The following MYO5A variants were observed in gnomAD, a reference collection of about 807,000 sequenced individuals.
The protein encoded by MYO5A is unconventional myosin-Va.
In MYO5A, 98 loss-of-function variants were observed where a neutral mutation model predicts 249.7. The observed-to-expected ratio is 0.39, with a 90% CI of 0.33 to 0.46. The LOEUF (loss-of-function observed/expected upper bound fraction) is 0.46. Among genes scored for constraint, MYO5A ranks in the 20% least tolerant of loss-of-function variants. The pLI is 0.98. For missense variants in MYO5A, 1,696 were observed against 2,308.8 expected (o/e 0.73, Z 5.44); for synonymous variants, 778 against 810.6 (o/e 0.96, Z 0.68).
chr15:52,353,970 A>G lies in MYO5A; in HGVS notation c.3468T>C (p.Leu1156=), dbSNP rs771789209. ...KKVPLDMSLF[L]KLQKRVTELE... ...GCTCTGTGACCCGCTTCTGGAGCTT[A>G]AGGAACAATGACATGTCCAGAGGTA... Residue 1156 remains leucine, a synonymous_variant, in exon 26 of 42, where the codon CTT becomes CTC. Coordinates refer to ENST00000399233, the MANE Select transcript of MYO5A (RefSeq NM_001382347.1). The G allele has an allele frequency of 1.2e-6, 2 of 1,614,230 alleles. No individual in the cohort carries two copies. Among genetic ancestry groups the G allele is most frequent in the Non-Finnish European group, 1.7e-6 (2 of 1,180,040 alleles).
At chr15:52,362,373 T>C (rs887793221) in intron 24 of MYO5A, among the ~76,000 whole-genome samples, 4 of 152,266 alleles carry the variant, frequency 2.6e-5, no homozygotes, top group African/African-American at 9.6e-5. Context: ...AGTACTCATC[T>C]GTTAGCTGTT....
intron 22 of MYO5A, among the ~76,000 whole-genome samples, chr15:52,369,063 A>G (rs112751301): frequency 2.2e-4 from 33 of 152,296 alleles, no homozygotes; most frequent in African/African-American, 7.5e-4. Context: ...ATAAAACAGA[A>G]AAGAATCTCA....
In MYO5A at chr15:52,370,301, C is replaced by T. The variant is rs370255793; in HGVS notation, c.2934G>A (p.Ala978=). Residue 978 remains alanine, a synonymous_variant, in exon 22 of 42, where the codon GCG becomes GCA. Transcript: ENST00000399233. ...LERLQLSEEE[A]KVATGRVLSL... Reference sequence around the variant, plus strand: ...TAAGGACCCGCCCAGTGGCAACTTTCGCTTCCTCTTCACTTAGTTGAAGAC... The same window carrying T: ...TAAGGACCCGCCCAGTGGCAACTTTTGCTTCCTCTTCACTTAGTTGAAGAC... The T allele has an allele frequency of 1.5e-5, 24 of 1,614,036 alleles. No homozygotes were observed. Among genetic ancestry groups the T allele is most frequent in the African/African-American group, 1.3e-4 (10 of 74,934 alleles).
At chr15:52,315,439 A>G (rs574436572) in intron 40 of MYO5A, among the ~76,000 whole-genome samples, 2 of 152,200 alleles carry the variant, frequency 1.3e-5, no homozygotes, top group South Asian at 2.1e-4. Flanking sequence ...CAGTGGCACA[A>G]TCTTGGCTCA....
intron 1 of MYO5A, among the ~76,000 whole-genome samples, chr15:52,461,608 A>T (rs1168278665): frequency 5.3e-5 from 8 of 152,156 alleles, no homozygotes; most frequent in Non-Finnish European, 1.2e-4. Context: ...TTTAAATCTT[A>T]TATGCTATCT....
chr15:52,372,413 A>G (rs370217753), intron 20 of MYO5A, 50 bp from the exon 21 acceptor site: 1 of 1,595,018 alleles, frequency 6.3e-7, no homozygotes, highest in African/African-American at 1.3e-5. Flanking sequence ...GACTACACTC[A>G]TGATTATCAA....
At chr15:52,378,515 C>CAAAAAAAAAAA (rs55803737) in intron 18 of MYO5A, among the ~76,000 whole-genome samples, 906 of 10,334 alleles carry the variant, frequency 0.088, 97 homozygotes, top group African/African-American at 0.13. Context: ...AAGACTGTCT[C>CAAAAAAAAAAA]AAAAAAAAAA....
intron 1 of MYO5A, among the ~76,000 whole-genome samples, chr15:52,438,259 T>G (rs1033333836): frequency 6.6e-6 from 1 of 152,050 alleles, no homozygotes; most frequent in South Asian, 2.1e-4. Context: ...TCCAGTCACA[T>G]CCGGTGAGAA....
At chr15:52,373,127 T>G (rs1264944516) in intron 20 of MYO5A, among the ~76,000 whole-genome samples, 1 of 152,060 alleles carries the variant, frequency 6.6e-6, no homozygotes, top group Non-Finnish European at 1.5e-5. Context: ...TAAAAAGATG[T>G]GAAACAAACT....
intron 1 of MYO5A, among the ~76,000 whole-genome samples, chr15:52,466,314 A>G (rs2076351761): frequency 6.6e-6 from 1 of 152,114 alleles, no homozygotes; most frequent in African/African-American, 2.4e-5. Context: ...CAGAACTGAG[A>G]AATGAGTGTG....
At chr15:52,345,161 A>G (rs1567038272) in intron 30 of MYO5A, among the ~76,000 whole-genome samples, 1 of 152,210 alleles carries the variant, frequency 6.6e-6, no homozygotes, top group East Asian at 1.9e-4. Flanking sequence ...TTTGCATATA[A>G]CCATGTACAT....
intron 10 of MYO5A, among the ~76,000 whole-genome samples, chr15:52,396,723 C>G (rs1006692695): frequency 7.9e-5 from 12 of 152,052 alleles, no homozygotes; most frequent in Admixed American, 7.9e-4. Flanking sequence ...AGCCATTGCT[C>G]TTGTCAATAT....
At chr15:52,386,661 C>T (rs1318223249) in intron 14 of MYO5A, among the ~76,000 whole-genome samples, 1 of 152,046 alleles carries the variant, frequency 6.6e-6, no homozygotes, top group Non-Finnish European at 1.5e-5. Context: ...GATCCTCCCA[C>T]TCAGCTTCCC....
chr15:52,493,636 T>G (rs1052128597), intron 1 of MYO5A, among the ~76,000 whole-genome samples: 39 of 151,908 alleles, frequency 2.6e-4, no homozygotes, highest in African/African-American at 9.4e-4. Context: ...CACTCCAGTC[T>G]GGGCGATAGA....
At chr15:52,331,629 G>A (rs1375584085) in intron 34 of MYO5A, 10 of 972,368 alleles carry the variant, frequency 1.0e-5, no homozygotes, top group East Asian at 1.1e-4. Context: ...GTGTCACTCT[G>A]GGTAATTTCC....
At chr15:52,505,512 T>C in intron 1 of MYO5A, 2 of 1,453,828 alleles carry the variant, frequency 1.4e-6, no homozygotes, top group East Asian at 2.3e-5. Context: ...GATCTGATGA[T>C]GAGGAAGAAA....
At chr15:52,384,911 G>C (rs942877996) in intron 14 of MYO5A, among the ~76,000 whole-genome samples, 1 of 152,010 alleles carries the variant, frequency 6.6e-6, no homozygotes, top group African/African-American at 2.4e-5. Flanking sequence ...AAGATAATTC[G>C]GGTTACAGAA....
intron 3 of MYO5A, among the ~76,000 whole-genome samples, chr15:52,426,945 T>G (rs1165199019): frequency 6.6e-6 from 1 of 151,760 alleles, no homozygotes; most frequent in Non-Finnish European, 1.5e-5. Context: ...CTTGATAGGG[T>G]GGCCAGACAA....
intron 1 of MYO5A, among the ~76,000 whole-genome samples, chr15:52,519,391 T>C (rs1042139206): frequency 1.3e-5 from 2 of 152,056 alleles, no homozygotes; most frequent in Non-Finnish European, 2.9e-5. Context: ...AAGTGGGAGA[T>C]TGCTTGAAGC....
Sources: allele counts gnomAD v4.1 joint callset (sites outside exome capture counted in the v4.1 genomes callset), GRCh38; gene constraint gnomAD v4.1.1; transcripts MANE v1.5; gene names NCBI Gene and HGNC (gene_info 2026-07-23, HGNC 2026-07-21).